CDH12: variants seen among roughly 807,000 people sequenced by gnomAD.
The protein encoded by CDH12 is cadherin 12.
In CDH12, 41 loss-of-function variants were observed where a neutral mutation model predicts 74.1. That is an observed-to-expected ratio of 0.55 (90% CI 0.43 to 0.72). The LOEUF is 0.72. CDH12 is among the 30% of genes least tolerant of loss of function. The probability of loss-of-function intolerance (pLI) is 0.00; values close to 1 mark genes in which losing one functional copy is unlikely to be tolerated. For synonymous variants in CDH12, 399 were observed against 355.0 expected (o/e 1.12, Z -1.39); for missense variants, 945 against 977.2 (o/e 0.97, Z 0.44).
At chr5:22,154,456 TACAC>T (rs1747866074) in intron 4 of CDH12, among the ~76,000 whole-genome samples, 1 of 826 alleles carries the variant, frequency 1.2e-3, no homozygotes, top group Admixed American at 0.05. Flanking sequence ...CATATATATG[TACAC>T]ATATATATGT....
intron 1 of CDH12, among the ~76,000 whole-genome samples, chr5:22,584,409 T>C (rs1740267182): frequency 2.0e-5 from 3 of 151,648 alleles, no homozygotes; most frequent in Admixed American, 2.0e-4. Flanking sequence ...AGGAATTTAT[T>C]TTTTTTAATT....
intron 3 of CDH12, among the ~76,000 whole-genome samples, chr5:22,384,961 G>T (rs1004047050): frequency 6.6e-6 from 1 of 152,064 alleles, no homozygotes; most frequent in Non-Finnish European, 1.5e-5. Flanking sequence ...AATTGTTTAT[G>T]ATTTGTTACA....
At chr5:22,363,681 T>C (rs998908484) in intron 3 of CDH12, among the ~76,000 whole-genome samples, 2 of 152,166 alleles carry the variant, frequency 1.3e-5, no homozygotes, top group Admixed American at 1.3e-4. Context: ...AGTTTGTTGT[T>C]TAAATATTCC....
chr5:22,425,149 G>GTA (rs1743851561), intron 2 of CDH12, among the ~76,000 whole-genome samples: 1 of 94,024 alleles, frequency 1.1e-5, no homozygotes, highest in African/African-American at 5.5e-5. Context: ...ATATATGTGT[G>GTA]TGTGTATATA....
chr5:22,015,000 A>G (rs1737517395), intron 5 of CDH12, among the ~76,000 whole-genome samples: 1 of 152,164 alleles, frequency 6.6e-6, no homozygotes, highest in Non-Finnish European at 1.5e-5. Context: ...CAAGTTCATT[A>G]AAGAATATTA....
At chr5:21,847,887 A>C (rs1182871967) in intron 7 of CDH12, among the ~76,000 whole-genome samples, 1 of 152,068 alleles carries the variant, frequency 6.6e-6, no homozygotes, top group Non-Finnish European at 1.5e-5. Context: ...TGTTTGTTTT[A>C]TGTTTCCTCA....
chr5:22,592,803 G>A (rs1736408891), intron 1 of CDH12, among the ~76,000 whole-genome samples: 1 of 151,710 alleles, frequency 6.6e-6, no homozygotes, highest in South Asian at 2.1e-4. Context: ...CACTTTGGGA[G>A]CGGATCACCT....
chr5:22,683,153 A>G (rs1741585236), intron 1 of CDH12, among the ~76,000 whole-genome samples: 1 of 152,164 alleles, frequency 6.6e-6, no homozygotes, highest in Non-Finnish European at 1.5e-5. Context: ...AACCTCTACT[A>G]ATGTATTATA....
intron 5 of CDH12, among the ~76,000 whole-genome samples, chr5:22,067,640 G>C (rs530453197): frequency 3.5e-4 from 53 of 152,160 alleles, no homozygotes; most frequent in Non-Finnish European, 7.3e-4. Flanking sequence ...TAGGGATGCT[G>C]TGTGGCATCT....
intron 12 of CDH12, among the ~76,000 whole-genome samples, chr5:21,760,938 C>T (rs1238424808): frequency 6.6e-6 from 1 of 152,072 alleles, no homozygotes; most frequent in Non-Finnish European, 1.5e-5. Flanking sequence ...ATTAAAAATT[C>T]ACACTAATAA....
chr5:22,474,989 G>A (rs1746109685), intron 2 of CDH12, among the ~76,000 whole-genome samples: 1 of 151,154 alleles, frequency 6.6e-6, no homozygotes, highest in South Asian at 2.1e-4. Flanking sequence ...AGATAGATGA[G>A]GTCCCATCTC....
chr5:22,373,349 G>A (rs1240819213), intron 3 of CDH12, among the ~76,000 whole-genome samples: 1 of 152,162 alleles, frequency 6.6e-6, no homozygotes, highest in Admixed American at 6.5e-5. Context: ...TTGGGTTCCA[G>A]TGGGTTGCCC....
chr5:21,797,759 T>C (rs1052902836), intron 10 of CDH12, among the ~76,000 whole-genome samples: 5 of 152,196 alleles, frequency 3.3e-5, no homozygotes, highest in Non-Finnish European at 7.4e-5. Context: ...GTCTTGACTG[T>C]AACAATTTTC....
rs1344887285 is a variant in CDH12 at position 21,963,269 on chromosome 5, A to G, written c.526+11822T>C. On this transcript the variant is annotated intron_variant, in intron 6 of 14. Transcript: ENST00000382254. ...CCAGGTAGTGAACTGAATACCTAAC[A>G]GGAAGTTCCTTGGCTCTTGTCCCTC... 2.0e-5 allele frequency among the ~76,000 whole-genome samples: 3 copies of G among 152,132 alleles called. No individual in the cohort carries two copies. In the East Asian group the frequency reaches 5.8e-4, roughly 29 times the overall value.
intron 1 of CDH12, among the ~76,000 whole-genome samples, chr5:22,669,490 G>A (rs903329691): frequency 1.3e-5 from 2 of 152,110 alleles, no homozygotes; most frequent in Non-Finnish European, 2.9e-5. Context: ...GGTAACATAT[G>A]CAACCAAAAG....
chr5:22,269,367 C>T (rs374570524), intron 3 of CDH12, among the ~76,000 whole-genome samples: 7 of 152,166 alleles, frequency 4.6e-5, no homozygotes, highest in Admixed American at 3.9e-4. Flanking sequence ...CCTCTATTCA[C>T]GTTTTTATGC....
At chr5:22,435,391 C>CAT (rs1223589667) in intron 2 of CDH12, among the ~76,000 whole-genome samples, 37 of 149,672 alleles carry the variant, frequency 2.5e-4, no homozygotes, top group South Asian at 8.4e-4. Flanking sequence ...TAATAACCCC[C>CAT]ATATATATAT....
At chr5:22,247,629 C>T (rs561729232) in intron 3 of CDH12, among the ~76,000 whole-genome samples, 1 of 151,376 alleles carries the variant, frequency 6.6e-6, no homozygotes, top group Admixed American at 6.6e-5. Context: ...GAGCTGAGAT[C>T]ACATCACTGC....
intron 8 of CDH12, among the ~76,000 whole-genome samples, chr5:21,827,388 C>A (rs1319637717): frequency 1.3e-5 from 2 of 151,780 alleles, no homozygotes; most frequent in African/African-American, 4.8e-5. Context: ...CCATGAAAAC[C>A]TTTAAAAAAA....
Sources: allele counts gnomAD v4.1 joint callset (sites outside exome capture counted in the v4.1 genomes callset), GRCh38; gene constraint gnomAD v4.1.1; transcripts MANE v1.5; gene names NCBI Gene and HGNC (gene_info 2026-07-23, HGNC 2026-07-21).